TRIM54: variants seen among roughly 807,000 people sequenced by gnomAD.
TRIM54 encodes tripartite motif-containing protein 54.
Under a neutral mutation model 42.0 loss-of-function variants are expected in TRIM54, and 40 were observed. The observed-to-expected ratio is 0.95, with a 90% CI of 0.74 to 1.24. The LOEUF is 1.24. TRIM54 is among the 50% of genes most tolerant of loss of function. The pLI is 0.00. For missense variants in TRIM54, 485 were observed against 480.3 expected, an observed-to-expected ratio of 1.01 and a Z score of -0.09; for synonymous variants, 199 against 194.9, an observed-to-expected ratio of 1.02 and a Z score of -0.17.
chr2:27,306,485 C>T lies in TRIM54; in HGVS notation c.1021C>T (p.Pro341Ser), dbSNP rs1164380528. ...TTCCGGGGAGGAAGAGGAGGTGGCC[C>T]CAGACGGAGAGGAGGGCAGCGCGGG... The part of the protein sequence containing the change: ...GASGEEEEVA[P>S]DGEEGSAGPE... The change falls in exon 8 of 9, where the codon CCA becomes TCA. Residue 341 changes from proline to serine, a missense_variant. Coordinates refer to ENST00000380075, the MANE Select transcript of TRIM54 (RefSeq NM_187841.3). The surrounding 1 kb of genome is among the most constrained non-coding windows in gnomAD (Gnocchi z 6.1). 1 of 1,587,208 alleles carries T rather than the reference C, an allele frequency of 6.3e-7. No homozygotes were observed. The highest frequency in any genetic ancestry group is 2.3e-5 in the East Asian group (1 of 43,550).
In TRIM54 at chr2:27,307,173, C is replaced by T. The variant is rs888738856; in HGVS notation, c.*288C>T. On this transcript the variant is annotated 3_prime_UTR_variant, in exon 9 of 9. Transcript: ENST00000380075. The surrounding 1 kb of genome is among the most constrained non-coding windows in gnomAD (Gnocchi z 6.9). ...GATGCCAGGAGCGAACTGGTGAGCC[C>T]AGCGCCCTGGGAAGAGGGCCGAGGG... 1 of 359,568 alleles carries T rather than the reference C, an allele frequency of 2.8e-6. No homozygotes were observed. The highest frequency in any genetic ancestry group is 2.2e-5 in the African/African-American group (1 of 45,508). 22.3% of individuals were successfully genotyped at this position (359,568 alleles called of 1,614,324 possible).
At chr2:27,299,714 A>G (rs1380238420) in intron 3 of TRIM54, 2 of 602,850 alleles carry the variant, frequency 3.3e-6, no homozygotes, top group East Asian at 2.8e-5. Flanking sequence ...CTATCTATCT[A>G]TCATATTTTG....
intron 3 of TRIM54, among the ~76,000 whole-genome samples, chr2:27,300,550 C>CTACTAATAATATTTATTATTAGTAGTAG (rs1679000957): frequency 7.0e-6 from 1 of 142,942 alleles, no homozygotes; most frequent in Non-Finnish European, 1.5e-5. Flanking sequence ...TGGGAGGATA[C>CTACTAATAATATTTATTATTAGTAGTAG]TACTAATAAT....
At position 27,306,892 on chromosome 2, in the gene TRIM54, C is replaced by T; in HGVS notation, c.*7C>T. 2.6e-6 allele frequency: 1 copy of T among 377,968 alleles called. No individual in the cohort carries two copies. The highest frequency in any genetic ancestry group is 4.8e-6 in the Non-Finnish European group (1 of 206,866). 23.4% of individuals were successfully genotyped at this position (377,968 alleles called of 1,614,324 possible). A position where few individuals can be genotyped will look rare whatever the true frequency, so the allele number is the denominator to read the frequency against. ...GCCTTCTTTCCCGGGCACAGGCCTGCGCCGACCCGACCCTGCTCGAGAGCC... is the reference window on the plus strand; with the variant it reads ...GCCTTCTTTCCCGGGCACAGGCCTGTGCCGACCCGACCCTGCTCGAGAGCC... On this transcript the variant is annotated 3_prime_UTR_variant, in exon 9 of 9. Coordinates refer to ENST00000380075, the MANE Select transcript of TRIM54 (RefSeq NM_187841.3). The surrounding 1 kb of genome is among the most constrained non-coding windows in gnomAD (Gnocchi z 6.1).
At position 27,305,467 on chromosome 2, in the gene TRIM54, TCA is replaced by T. The variant is rs1382358963; in HGVS notation, c.610-114_610-113del. ...GCTGGGTTCTGGCTCAGCCACTAAC[TCA>T]CAGTGTCACTACGGATGGGTCACTT... On this transcript the variant is annotated intron_variant, in intron 4 of 8. Transcript: ENST00000380075. The T allele has an allele frequency of 4.0e-5, 32 of 801,664 alleles. No individual in the cohort carries two copies. In the Middle Eastern group the frequency reaches 7.0e-4, roughly 18 times the overall value. 49.7% of individuals were successfully genotyped at this position (801,664 alleles called of 1,614,324 possible).
chr2:27,302,705 C>G (rs1679069563), intron 3 of TRIM54, among the ~76,000 whole-genome samples: 1 of 151,956 alleles, frequency 6.6e-6, no homozygotes, highest in Non-Finnish European at 1.5e-5. Context: ...GCAGGAGAAT[C>G]ACTTGAACTC....
In TRIM54 at chr2:27,298,669, G is replaced by C; in HGVS notation, c.271G>C (p.Gly91Arg). The change falls in exon 2 of 9, where the codon GGT becomes CGT. Residue 91 changes from glycine to arginine, a missense_variant. Physicochemically the swap from Gly to Arg is moderately radical, Grantham distance 125. Transcript: ENST00000380075. ...CRHEVVLDRH[G>R]VYGLQRNLLV... ...GCATGAGGTTGTCCTGGACAGACACGGTGTCTACGGCCTGCAGCGAAACCT... is the reference window on the plus strand; with the variant it reads ...GCATGAGGTTGTCCTGGACAGACACCGTGTCTACGGCCTGCAGCGAAACCT... The C allele has an allele frequency of 6.2e-7, 1 of 1,614,142 alleles. No homozygotes were observed. The highest frequency in any genetic ancestry group is 8.5e-7 in the Non-Finnish European group (1 of 1,180,010).
At chr2:27,298,502 C>T in intron 1 of TRIM54, 65 bp from the exon 2 acceptor site, 1 of 1,386,624 alleles carries the variant, frequency 7.2e-7, no homozygotes, top group Non-Finnish European at 1.0e-6. Flanking sequence ...GCCCTTTCCC[C>T]CTGCCTCCTC....
chr2:27,295,072 T>C (rs1477046046), intron 1 of TRIM54, among the ~76,000 whole-genome samples: 1 of 151,738 alleles, frequency 6.6e-6, no homozygotes, highest in African/African-American at 2.4e-5. Flanking sequence ...TTTTTTTGTT[T>C]GTTTGTTTTT....
chr2:27,301,104 C>T (rs1474027103), intron 3 of TRIM54, among the ~76,000 whole-genome samples: 1 of 149,044 alleles, frequency 6.7e-6, no homozygotes, highest in Non-Finnish European at 1.5e-5. Flanking sequence ...ACTCCATAGA[C>T]AGAGCAGCCC....
rs954404904 is a variant in TRIM54, at chr2:27,306,648, G to A, written c.*1+106G>A. 1.7e-6 allele frequency: 2 copies of A among 1,201,958 alleles called. No homozygotes were observed. Among genetic ancestry groups the A allele is most frequent in the African/African-American group, 1.5e-5 (1 of 65,074 alleles). 74.5% of individuals were successfully genotyped at this position (1,201,958 alleles called of 1,614,324 possible). A position where few individuals can be genotyped will look rare whatever the true frequency, so the allele number is the denominator to read the frequency against. ...CTCCCCCAGTGATTGCCCTCCCTGC[G>A]GGTAGCGTGGAGCCCCCACTCCTCG... On this transcript the variant is annotated intron_variant, in intron 8 of 8. Transcript: ENST00000380075. The surrounding 1 kb of genome is among the most constrained non-coding windows in gnomAD (Gnocchi z 6.1).
Position 27,307,294 on chromosome 2 carries a change from G to A in TRIM54, c.*409G>A, listed in dbSNP as rs993209135. ...TGACCTGGCTGAAAGCCGCTGTCTC[G>A]GAGCCCCCCACAGCATTTTGTTCCC... On this transcript the variant is annotated 3_prime_UTR_variant, in exon 9 of 9. Transcript: ENST00000380075. The surrounding 1 kb of genome is among the most constrained non-coding windows in gnomAD (Gnocchi z 6.9). 23 of 693,462 alleles carry A rather than the reference G, an allele frequency of 3.3e-5. No homozygotes were observed. The East Asian group carries it at 4.5e-4, about 14-fold the overall frequency. The allele number at this position is 693,462 out of a possible 1,614,324, so 43.0% of individuals were successfully genotyped here. A position where few individuals can be genotyped will look rare whatever the true frequency, so the allele number is the denominator to read the frequency against.
At chr2:27,290,810 C>T (rs76362353) in intron 1 of TRIM54, among the ~76,000 whole-genome samples, 6,971 of 152,208 alleles carry the variant, frequency 0.046, 222 homozygotes, top group Non-Finnish European at 0.067. Context: ...ATATTGTGCT[C>T]CATTAAATGC....
Position 27,299,288 on chromosome 2 carries a change from C to T in TRIM54, c.385C>T (p.His129Tyr). The change falls in exon 3 of 9, where the codon CAT becomes TAT. Residue 129 changes from histidine (H) to tyrosine (Y), a missense_variant. By Grantham distance (83) the His-to-Tyr change is moderately conservative. Coordinates refer to ENST00000380075, the MANE Select transcript of TRIM54 (RefSeq NM_187841.3). ...KAEQHLMCEEHEEEKINIYCL... is the reference protein window; with the variant it reads ...KAEQHLMCEEYEEEKINIYCL... ...TGAGCAGCACCTCATGTGCGAGGAG[C>T]ATGAAGAAGAGAAGATCAATATTTA... 3.1e-6 allele frequency: 5 copies of T among 1,614,122 alleles called. No individual in the cohort carries two copies. Among genetic ancestry groups the T allele is most frequent in the Non-Finnish European group, 4.2e-6 (5 of 1,180,046 alleles).
chr2:27,290,082 G>C (rs774683167), intron 1 of TRIM54, among the ~76,000 whole-genome samples: 4 of 151,466 alleles, frequency 2.6e-5, no homozygotes, highest in African/African-American at 4.8e-5. Flanking sequence ...ATGTTGGCCA[G>C]GCTGGTCTCA....
At chr2:27,292,925 A>G (rs1413007383) in intron 1 of TRIM54, among the ~76,000 whole-genome samples, 1 of 152,204 alleles carries the variant, frequency 6.6e-6, no homozygotes, top group East Asian at 1.9e-4. Context: ...TATCAGCATC[A>G]TCCATTCTCC....
intron 1 of TRIM54, among the ~76,000 whole-genome samples, chr2:27,297,237 C>A (rs956030081): frequency 6.6e-6 from 1 of 152,250 alleles, no homozygotes; most frequent in African/African-American, 2.4e-5. Context: ...CTTACACTTT[C>A]CAGGGTGGCC....
Position 27,305,072 on chromosome 2 carries a change from G to A in TRIM54, c.609+18G>A. 6.2e-7 allele frequency: 1 copy of A among 1,608,446 alleles called. No homozygotes were observed. Among genetic ancestry groups the A allele is most frequent in the African/African-American group, 1.3e-5 (1 of 74,956 alleles). On this transcript the variant is annotated intron_variant, in intron 4 of 8. Coordinates refer to ENST00000380075, the MANE Select transcript of TRIM54 (RefSeq NM_187841.3). ...CTATCGAGGTGAGCCTGGGCTGGAG[G>A]GAGGGAGGAACAGCAACTGGCTAGC...
intron 1 of TRIM54, among the ~76,000 whole-genome samples, chr2:27,296,105 T>A (rs1305478072): frequency 6.6e-6 from 1 of 152,222 alleles, no homozygotes; most frequent in African/African-American, 2.4e-5. Context: ...CTCCCCAAGA[T>A]AAGCTGCTCA....
Sources: allele counts gnomAD v4.1 joint callset (sites outside exome capture counted in the v4.1 genomes callset), GRCh38; gene constraint gnomAD v4.1.1; non-coding constraint Gnocchi (gnomAD v3.1); transcripts MANE v1.5; gene names NCBI Gene and HGNC (gene_info 2026-07-23, HGNC 2026-07-21).